Variants in PRDM2 observed in about 807,000 individuals in gnomAD.
PRDM2 encodes PR/SET domain 2.
PRDM2 carries 30 observed loss-of-function variants against 130.0 expected under a neutral mutation model. That is an observed-to-expected ratio of 0.23 (90% CI 0.17 to 0.31). The LOEUF (loss-of-function observed/expected upper bound fraction) is 0.31. Ranked by LOEUF, PRDM2 falls within the 10% of genes least tolerant of loss-of-function variation. The pLI is 1.00. For synonymous variants in PRDM2, 871 were observed against 782.4 expected, an observed-to-expected ratio of 1.11 and a Z score of -1.89; for missense variants, 2,011 against 2,108.4, an observed-to-expected ratio of 0.95 and a Z score of 0.90.
At chr1:13,700,493 G>A (rs1642037251) in intron 1 of PRDM2, among the ~76,000 whole-genome samples, 193 bp downstream of exon 1, 1 of 150,642 alleles carries the variant, frequency 6.6e-6, no homozygotes, top group Admixed American at 6.6e-5. Context: ...CGGGCCTCCG[G>A]GTCGGTGGCC....
At chr1:13,763,157 C>T (rs900501817) in intron 6 of PRDM2, among the ~76,000 whole-genome samples, 1 of 152,162 alleles carries the variant, frequency 6.6e-6, no homozygotes, top group African/African-American at 2.4e-5. Context: ...AGCCAACTGC[C>T]AAGACATCGA....
chr1:13,796,349 A>G lies in PRDM2; in HGVS notation c.5036+13518A>G, dbSNP rs1026374126. 2.0e-4 allele frequency among the ~76,000 whole-genome samples: 30 copies of G among 152,312 alleles called. No individual in the cohort carries two copies. The East Asian group carries it at 2.1e-3, about 11-fold the overall frequency. On this transcript the variant is annotated intron_variant, in intron 8 of 9. Transcript: ENST00000311066. ...GCTAGATTGTGGTCCTGTTAATATC[A>G]TATGTAAACAAAGAGATGGTTGGCC...
In PRDM2 at chr1:13,779,570, C is replaced by T. The variant is rs148982219; in HGVS notation, c.1775C>T (p.Ser592Leu). Residue 592 changes from serine to leucine, a missense_variant, in exon 8 of 10, where the codon TCG (serine) becomes TTG (leucine). Ser to Leu is a moderately radical substitution (Grantham distance 145, BLOSUM62 -2). This residue lies in a region of PRDM2 where 1,288 missense variants were observed against 1,237.7 expected (regional missense o/e 1.04). Coordinates refer to ENST00000311066, the MANE Select transcript of PRDM2 (RefSeq NM_001393986.1). This position sits in a 1 kb window ranked among gnomAD's most constrained non-coding sequence, Gnocchi z 4.9. ...NCDVIEMESA[S>L]ADLYGINCLL... ...GATGTGATTGAGATGGAGTCTGCTT[C>T]GGCAGATTTGTATGGTATAAATTGT... 39 of 1,613,926 alleles carry T rather than the reference C, an allele frequency of 2.4e-5. No homozygotes were observed. The highest frequency in any genetic ancestry group is 5.5e-5 in the South Asian group (5 of 91,066).
rs1413834380 is a variant in PRDM2, at chr1:13,706,594, C to G, written c.-66+6294C>G. ...GATTTAACCTGGAACTAAGAGCCCC[C>G]AAGAACTGCCCATCTGTTCTGTCCT... On this transcript the variant is annotated intron_variant, in intron 1 of 9. Coordinates refer to ENST00000311066, the MANE Select transcript of PRDM2 (RefSeq NM_001393986.1). Among the ~76,000 whole-genome samples, 4 of 152,214 alleles carry G rather than the reference C, an allele frequency of 2.6e-5. No individual in the cohort carries two copies. In the East Asian group the frequency reaches 7.7e-4, roughly 29 times the overall value.
chr1:13,780,385 G>A lies in PRDM2; in HGVS notation c.2590G>A (p.Glu864Lys). The A allele has an allele frequency of 6.2e-7, 1 of 1,614,180 alleles. No homozygotes were observed. Among genetic ancestry groups the A allele is most frequent in the Non-Finnish European group, 8.5e-7 (1 of 1,180,034 alleles). ...KKHCSDSEGKEFKESHSVQPT... is the reference protein window; with the variant it reads ...KKHCSDSEGKKFKESHSVQPT... Reference sequence around the variant, plus strand: ...GCATTGTAGTGACTCTGAAGGCAAGGAATTCAAAGAAAGTCATTCAGTGCA... The same window carrying A: ...GCATTGTAGTGACTCTGAAGGCAAGAAATTCAAAGAAAGTCATTCAGTGCA... The change falls in exon 8 of 10, where the codon GAA (glutamate) becomes AAA (lysine). Residue 864 changes from glutamate to lysine, a missense_variant. Glu to Lys is a moderately conservative substitution (Grantham distance 56). This residue lies in a region of PRDM2 where 1,288 missense variants were observed against 1,237.7 expected (regional missense o/e 1.04). Transcript: ENST00000311066.
chr1:13,794,513 G>GC (rs571003833), intron 8 of PRDM2, among the ~76,000 whole-genome samples: 93 of 152,218 alleles, frequency 6.1e-4, no homozygotes, highest in Non-Finnish European at 1.1e-3. Flanking sequence ...TTGAATTCTG[G>GC]CTTTATCATG....
At chr1:13,705,473 A>G (rs1036803680) in intron 1 of PRDM2, 4 of 151,010 alleles carry the variant, frequency 2.6e-5, no homozygotes, top group South Asian at 2.1e-4. Flanking sequence ...TATGTTTTCT[A>G]CCTCCTTCCG....
At chr1:13,730,903 A>C in intron 2 of PRDM2, 97 bp from the exon 3 acceptor site, 1 of 873,098 alleles carries the variant, frequency 1.1e-6, no homozygotes, top group South Asian at 1.6e-5. Flanking sequence ...TTTCGGTTAC[A>C]TTTTTGCATA....
intron 6 of PRDM2, among the ~76,000 whole-genome samples, chr1:13,758,263 G>A (rs1477969968): frequency 1.3e-5 from 2 of 151,912 alleles, no homozygotes; most frequent in Admixed American, 6.6e-5. Flanking sequence ...GGACAACATG[G>A]TAAAACCCCG....
At chr1:13,773,985 A>T (rs1045748424) in intron 7 of PRDM2, among the ~76,000 whole-genome samples, 1 of 152,196 alleles carries the variant, frequency 6.6e-6, no homozygotes, top group East Asian at 1.9e-4. Context: ...AGAGACTTTG[A>T]TTTTTGTATA....
intron 8 of PRDM2, among the ~76,000 whole-genome samples, chr1:13,811,972 G>GCACAGGGTGAA (rs1553165435): frequency 6.6e-6 from 1 of 152,244 alleles, no homozygotes; most frequent in African/African-American, 2.4e-5. Context: ...AGAGACAAGT[G>GCACAGGGTGAA]CACAGGGTGA....
At chr1:13,814,137 C>T (rs934889789) in intron 8 of PRDM2, among the ~76,000 whole-genome samples, 3 of 152,224 alleles carry the variant, frequency 2.0e-5, no homozygotes, top group African/African-American at 7.2e-5. Context: ...ATGTCTCCAG[C>T]AGCCTCCCAG....
At chr1:13,816,619 G>A (rs546018347) in intron 9 of PRDM2, 49 bp downstream of exon 9, 14 of 1,601,750 alleles carry the variant, frequency 8.7e-6, no homozygotes, top group Admixed American at 1.7e-5. Context: ...GTGGGTCAAG[G>A]GGGTGTGGGC....
chr1:13,801,513 T>A (rs1387593011), intron 8 of PRDM2, among the ~76,000 whole-genome samples: 2 of 152,194 alleles, frequency 1.3e-5, no homozygotes, highest in African/African-American at 4.8e-5. Context: ...GGTAAATGGC[T>A]CGGGCTTCCA....
At chr1:13,770,749 G>C (rs1020889521) in intron 6 of PRDM2, among the ~76,000 whole-genome samples, 1 of 152,086 alleles carries the variant, frequency 6.6e-6, no homozygotes, top group Non-Finnish European at 1.5e-5. Context: ...TTACCTGAGG[G>C]GTATGTCTTA....
chr1:13,806,575 C>T lies in PRDM2; in HGVS notation c.5037-9852C>T, dbSNP rs1206682518. Among the ~76,000 whole-genome samples, 3 of 152,162 alleles carry T rather than the reference C, an allele frequency of 2.0e-5. No homozygotes were observed. The highest frequency in any genetic ancestry group is 7.2e-5 in the African/African-American group (3 of 41,422). On this transcript the variant is annotated intron_variant, in intron 8 of 9. Transcript: ENST00000311066. The surrounding 1 kb of genome is among the most constrained non-coding windows in gnomAD (Gnocchi z 4.1). Reference sequence around the variant, plus strand: ...CTAGACTCCAACCTCTTCCTCCATCCCCACATCCAGCTCATCAGCAGATCC... The same window carrying T: ...CTAGACTCCAACCTCTTCCTCCATCTCCACATCCAGCTCATCAGCAGATCC...
chr1:13,816,664 AGTGG>A, intron 9 of PRDM2, 94 bp downstream of exon 9: 1 of 1,471,840 alleles, frequency 6.8e-7, no homozygotes, highest in Non-Finnish European at 9.2e-7. Context: ...GAGAGAAAGC[AGTGG>A]GTGTGATTGC....
chr1:13,713,147 A>G (rs1022701691), intron 1 of PRDM2, among the ~76,000 whole-genome samples: 18 of 152,236 alleles, frequency 1.2e-4, no homozygotes, highest in Admixed American at 2.0e-4. Flanking sequence ...AGATTGTAGT[A>G]ACTATCTCCC....
intron 1 of PRDM2, among the ~76,000 whole-genome samples, chr1:13,712,053 CAAAAAAA>C (rs5772549): frequency 3.6e-5 from 3 of 83,888 alleles, no homozygotes; most frequent in South Asian, 3.6e-4. Flanking sequence ...CATCTCTACC[CAAAAAAA>C]AAAAAAAAAA....
Sources: allele counts gnomAD v4.1 joint callset (sites outside exome capture counted in the v4.1 genomes callset), GRCh38; gene constraint gnomAD v4.1.1; regional missense constraint gnomAD v4.1.1; non-coding constraint Gnocchi (gnomAD v3.1); transcripts MANE v1.5; gene names NCBI Gene and HGNC (gene_info 2026-07-23, HGNC 2026-07-21).